Variants in ZBTB41 observed in about 807,000 individuals in gnomAD.
The protein encoded by ZBTB41 is zinc finger and BTB domain containing 41, also known as zinc finger and BTB domain-containing protein 41.
A neutral mutation model predicts 87.6 loss-of-function variants in ZBTB41; 42 were observed. The observed-to-expected ratio is 0.48, with a 90% CI of 0.37 to 0.62. ZBTB41 has a LOEUF of 0.62. Among genes scored for constraint, ZBTB41 ranks in the 20% least tolerant of loss-of-function variants. The probability of loss-of-function intolerance (pLI) is 0.00; values close to 1 mark genes in which losing one functional copy is unlikely to be tolerated. For missense variants in ZBTB41, 799 were observed against 1,078.9 expected (o/e 0.74, Z 3.63); for synonymous variants, 364 against 364.0 (o/e 1.00, Z 0.00).
intron 10 of ZBTB41, among the ~76,000 whole-genome samples, chr1:197,168,435 C>T (rs968430746): frequency 6.6e-5 from 10 of 152,040 alleles, no homozygotes; most frequent in African/African-American, 2.4e-4. Flanking sequence ...ATAATAAACA[C>T]ATTTGAAACT....
At chr1:197,182,290 T>C (rs1344493965) in intron 5 of ZBTB41, among the ~76,000 whole-genome samples, 1 of 151,986 alleles carries the variant, frequency 6.6e-6, no homozygotes, top group Non-Finnish European at 1.5e-5. Context: ...AAGCATTCTC[T>C]TTAATGTTCA....
intron 5 of ZBTB41, among the ~76,000 whole-genome samples, chr1:197,181,992 C>A (rs140607258): frequency 2.0e-5 from 3 of 152,076 alleles, no homozygotes; most frequent in Non-Finnish European, 4.4e-5. Context: ...TTTATTAACT[C>A]ATTCAACAAG....
Position 197,156,399 on chromosome 1 carries a change from G to C in ZBTB41, c.*2960C>G, listed in dbSNP as rs1369379744. On this transcript the variant is annotated 3_prime_UTR_variant, in exon 11 of 11. Transcript: ENST00000367405. The stretch of plus-strand genomic sequence containing the variant: ...ATAAATTATTCAATTTACAGATTAA[G>C]TGCTAACTGCTATCTGCTAAAAAAT... The C allele has an allele frequency of 6.6e-6, 1 of 152,082 alleles. No individual in the cohort carries two copies. Among genetic ancestry groups the C allele is most frequent in the Non-Finnish European group, 1.5e-5 (1 of 67,726 alleles). 9.4% of individuals were successfully genotyped at this position (152,082 alleles called of 1,614,324 possible).
At chr1:197,169,942 CTG>C (rs1659438345) in intron 10 of ZBTB41, among the ~76,000 whole-genome samples, 2 of 151,920 alleles carry the variant, frequency 1.3e-5, no homozygotes, top group African/African-American at 4.8e-5. Context: ...ATTTATCTAA[CTG>C]TGTGGTTTAA....
At chr1:197,184,111 T>A (rs757464549) in intron 5 of ZBTB41, among the ~76,000 whole-genome samples, 4 of 152,124 alleles carry the variant, frequency 2.6e-5, no homozygotes, top group Non-Finnish European at 5.9e-5. Flanking sequence ...GTGCACCAAT[T>A]CTCCAATAAA....
chr1:197,182,082 A>G (rs890054156), intron 5 of ZBTB41, among the ~76,000 whole-genome samples: 3 of 152,190 alleles, frequency 2.0e-5, no homozygotes, highest in Admixed American at 6.6e-5. Flanking sequence ...AACCAAAAAA[A>G]GGCTCTAAGA....
chr1:197,190,882 T>A (rs1316039438), intron 3 of ZBTB41, 51 bp from the exon 4 acceptor site: 2 of 1,201,214 alleles, frequency 1.7e-6, no homozygotes, highest in Admixed American at 4.5e-5. Context: ...ATTAGTTAAA[T>A]CAATATTCCA....
rs1436211524 is a variant in ZBTB41, at chr1:197,156,378, A to G, written c.*2981T>C. ...ATTAACACATTCCTGCACTTGATAAATTATTCAATTTACAGATTAAGTGCT... is the reference window on the plus strand; with the variant it reads ...ATTAACACATTCCTGCACTTGATAAGTTATTCAATTTACAGATTAAGTGCT... On this transcript the variant is annotated 3_prime_UTR_variant, in exon 11 of 11. Transcript: ENST00000367405. 2 of 152,264 alleles carry G rather than the reference A, an allele frequency of 1.3e-5. No individual in the cohort carries two copies. Among genetic ancestry groups the G allele is most frequent in the African/African-American group, 2.4e-5 (1 of 41,432 alleles). The allele number at this position is 152,264 out of a possible 1,614,324, so 9.4% of individuals were successfully genotyped here. A position where few individuals can be genotyped will look rare whatever the true frequency, so the allele number is the denominator to read the frequency against.
intron 5 of ZBTB41, among the ~76,000 whole-genome samples, chr1:197,182,935 A>G (rs922829865): frequency 1.3e-5 from 2 of 152,190 alleles, no homozygotes; most frequent in Non-Finnish European, 2.9e-5. Flanking sequence ...GATATATACC[A>G]AACTGCATGA....
intron 6 of ZBTB41, among the ~76,000 whole-genome samples, chr1:197,180,070 T>C (rs1005711117): frequency 6.6e-6 from 1 of 152,156 alleles, no homozygotes; most frequent in African/African-American, 2.4e-5. Flanking sequence ...CTTCTAGTCC[T>C]GCAAGCTCTA....
At chr1:197,176,532 T>C (rs568196339) in intron 8 of ZBTB41, 32 bp downstream of exon 8, 20 of 1,470,496 alleles carry the variant, frequency 1.4e-5, no homozygotes, top group East Asian at 1.1e-4. Flanking sequence ...TTAAAAAGGA[T>C]TTTCGAACTA....
In ZBTB41 at chr1:197,199,253, T is replaced by C. The variant is rs906545755; in HGVS notation, c.1120+101A>G. 25 of 1,213,462 alleles carry C rather than the reference T, an allele frequency of 2.1e-5. No homozygotes were observed. In the Admixed American group the frequency reaches 2.8e-4, roughly 14 times the overall value. The allele number at this position is 1,213,462 out of a possible 1,614,324, so 75.2% of individuals were successfully genotyped here. On this transcript the variant is annotated intron_variant, in intron 2 of 10. Transcript: ENST00000367405. ...AGGTATTCTCCCTACTTAAACAGTC[T>C]TTTTAGAAGTTACTTTCCAAGTTTA...
intron 2 of ZBTB41, among the ~76,000 whole-genome samples, chr1:197,198,521 T>C (rs1482540655): frequency 1.3e-5 from 2 of 152,142 alleles, no homozygotes; most frequent in Non-Finnish European, 2.9e-5. Flanking sequence ...GTAGAATATA[T>C]TTCACAATTT....
At chr1:197,162,866 G>T (rs1163639965) in intron 10 of ZBTB41, among the ~76,000 whole-genome samples, 1 of 152,208 alleles carries the variant, frequency 6.6e-6, no homozygotes, top group Admixed American at 6.5e-5. Context: ...AAAAGTTGGA[G>T]TTTGGGACTA....
intron 2 of ZBTB41, among the ~76,000 whole-genome samples, chr1:197,194,569 A>G (rs1430033431): frequency 3.3e-5 from 5 of 150,706 alleles, no homozygotes; most frequent in South Asian, 4.2e-4. Flanking sequence ...CACTTTGACT[A>G]GTAAGCTTCC....
chr1:197,176,930 C>T (rs1659623615), intron 7 of ZBTB41, among the ~76,000 whole-genome samples: 1 of 152,104 alleles, frequency 6.6e-6, no homozygotes, highest in African/African-American at 2.4e-5. Context: ...TCCTTCCCAT[C>T]ATATTAGATC....
At position 197,201,285 on chromosome 1, in the gene ZBTB41, C is replaced by G. The variant is rs1652796281; in HGVS notation, c.-180G>C. On this transcript the variant is annotated 5_prime_UTR_variant, in exon 1 of 11. Coordinates refer to ENST00000367405, the MANE Select transcript of ZBTB41 (RefSeq NM_194314.3). ...GAGCTCCACTCTGGGCGCGCTCGCT[C>G]CTGCGCCTACCCACTTCCGGGTTCA... 6.6e-6 allele frequency among the ~76,000 whole-genome samples: 1 copy of G among 152,168 alleles called. No individual in the cohort carries two copies. The highest frequency in any genetic ancestry group is 2.4e-5 in the African/African-American group (1 of 41,440).
rs144639240 is a variant in ZBTB41, at chr1:197,157,852, G to A, written c.*1507C>T. 136 of 151,544 alleles carry A rather than the reference G, an allele frequency of 9.0e-4. 2 individuals are homozygous for A. The highest frequency in any genetic ancestry group is 3.0e-3 in the African/African-American group (124 of 41,246). The allele number at this position is 151,544 out of a possible 1,614,324, so 9.4% of individuals were successfully genotyped here. A position where few individuals can be genotyped will look rare whatever the true frequency, so the allele number is the denominator to read the frequency against. The stretch of plus-strand genomic sequence containing the variant: ...AAACTTTATTCATTAAAACTTCACT[G>A]TTTTATTTGTGATTTTTTTTTTCAC... On this transcript the variant is annotated 3_prime_UTR_variant, in exon 11 of 11. Transcript: ENST00000367405.
intron 10 of ZBTB41, among the ~76,000 whole-genome samples, chr1:197,163,971 G>A (rs1659258124): frequency 1.3e-5 from 2 of 151,720 alleles, no homozygotes; most frequent in African/African-American, 4.8e-5. Context: ...TCATGTATAA[G>A]GAAAATGACT....
Sources: allele counts gnomAD v4.1 joint callset (sites outside exome capture counted in the v4.1 genomes callset), GRCh38; gene constraint gnomAD v4.1.1; transcripts MANE v1.5; gene names NCBI Gene and HGNC (gene_info 2026-07-23, HGNC 2026-07-21).